Variants in TRPM3 observed in about 807,000 individuals in gnomAD.
TRPM3 encodes the protein long transient receptor potential channel 3.
TRPM3 carries 77 observed loss-of-function variants against 181.2 expected under a neutral mutation model. That is an observed-to-expected ratio of 0.42 (90% CI 0.35 to 0.51). The LOEUF (loss-of-function observed/expected upper bound fraction) is 0.51. Among genes scored for constraint, TRPM3 ranks in the 20% least tolerant of loss-of-function variants. The pLI is 0.01. For synonymous variants in TRPM3, 745 were observed against 796.4 expected (o/e 0.94, Z 1.09); for missense variants, 1,759 against 2,196.7 (o/e 0.80, Z 3.98).
chr9:71,164,054 A>G (rs1438491768), intron 1 of TRPM3, among the ~76,000 whole-genome samples: 3 of 152,130 alleles, frequency 2.0e-5, no homozygotes, highest in African/African-American at 4.8e-5. Flanking sequence ...TAATGAGCGT[A>G]TGCACAAAGG....
chr9:70,767,441 T>C (rs6560151), intron 7 of TRPM3, among the ~76,000 whole-genome samples: 33,212 of 152,078 alleles, frequency 0.22, 4,431 homozygotes, highest in Non-Finnish European at 0.3. Context: ...AAAAGTTGTA[T>C]GCCATGTATT....
chr9:70,941,573 C>A (rs1042448025), intron 1 of TRPM3, among the ~76,000 whole-genome samples: 1 of 152,172 alleles, frequency 6.6e-6, no homozygotes, highest in Admixed American at 6.5e-5. Context: ...ATACATCTAT[C>A]CTATTAGTTC....
At chr9:70,946,119 A>T (rs762945103) in intron 1 of TRPM3, among the ~76,000 whole-genome samples, 1 of 152,226 alleles carries the variant, frequency 6.6e-6, no homozygotes, top group African/African-American at 2.4e-5. Flanking sequence ...TGCTGATTTT[A>T]TAAAAGGGAA....
chr9:71,190,069 G>A (rs1302199247), intron 1 of TRPM3, among the ~76,000 whole-genome samples: 4 of 151,800 alleles, frequency 2.6e-5, no homozygotes, highest in African/African-American at 9.7e-5. Context: ...TTTCCCCAAT[G>A]GCCAGAGATG....
At chr9:70,766,498 C>T (rs1021958017) in intron 7 of TRPM3, among the ~76,000 whole-genome samples, 1 of 150,748 alleles carries the variant, frequency 6.6e-6, no homozygotes, top group East Asian at 2.0e-4. Flanking sequence ...AAAATTTTAG[C>T]TATATAAAAA....
At chr9:71,179,758 C>G (rs369306754) in intron 1 of TRPM3, among the ~76,000 whole-genome samples, 6 of 152,236 alleles carry the variant, frequency 3.9e-5, no homozygotes, top group Non-Finnish European at 5.9e-5. Flanking sequence ...ATATTCCCAT[C>G]AGGAAATTTT....
At chr9:71,026,874 C>G (rs923036297) in intron 1 of TRPM3, among the ~76,000 whole-genome samples, 1 of 152,308 alleles carries the variant, frequency 6.6e-6, no homozygotes, top group East Asian at 1.9e-4. Context: ...GTGGGGGACC[C>G]TGGCCCCCCA....
chr9:70,592,333 T>C (rs1274264519), intron 21 of TRPM3, among the ~76,000 whole-genome samples: 1 of 152,224 alleles, frequency 6.6e-6, no homozygotes, highest in Admixed American at 6.5e-5. Flanking sequence ...TGTTTTGTTT[T>C]TAACTAAAGC....
chr9:71,039,075 C>T (rs541108165), intron 1 of TRPM3, among the ~76,000 whole-genome samples: 2 of 152,222 alleles, frequency 1.3e-5, no homozygotes, highest in African/African-American at 2.4e-5. Context: ...ACAATGTTAC[C>T]ATGACCCATG....
intron 1 of TRPM3, among the ~76,000 whole-genome samples, chr9:71,165,852 T>C (rs1382020094): frequency 1.3e-5 from 2 of 152,012 alleles, no homozygotes; most frequent in African/African-American, 4.8e-5. Flanking sequence ...GTAGGTGAGG[T>C]TAATGTCTAT....
chr9:70,963,600 T>A (rs548318443), intron 1 of TRPM3, among the ~76,000 whole-genome samples: 2 of 152,106 alleles, frequency 1.3e-5, no homozygotes, highest in Admixed American at 6.6e-5. Flanking sequence ...TGATATTTTG[T>A]GCGCTTTTTG....
At chr9:71,368,487 C>T (rs1303677894) in intron 1 of TRPM3, among the ~76,000 whole-genome samples, 1 of 152,052 alleles carries the variant, frequency 6.6e-6, no homozygotes, top group Non-Finnish European at 1.5e-5. Flanking sequence ...AGTGCCTCAC[C>T]CAGTAGTTGG....
At chr9:71,305,092 C>A (rs2087148629) in intron 1 of TRPM3, among the ~76,000 whole-genome samples, 1 of 152,090 alleles carries the variant, frequency 6.6e-6, no homozygotes, top group African/African-American at 2.4e-5. Context: ...AGAATTTTCC[C>A]AAACATACAC....
chr9:71,162,502 T>C (rs993204383), intron 1 of TRPM3, among the ~76,000 whole-genome samples: 1 of 152,162 alleles, frequency 6.6e-6, no homozygotes, highest in African/African-American at 2.4e-5. Flanking sequence ...TTATTTTACA[T>C]ATATAGCTTC....
Position 70,640,578 on chromosome 9 carries a change from A to G in TRPM3, c.1428T>C (p.Ile476=). 6.2e-7 allele frequency: 1 copy of G among 1,613,560 alleles called. No homozygotes were observed. The highest frequency in any genetic ancestry group is 8.5e-7 in the Non-Finnish European group (1 of 1,179,754). Residue 476 remains isoleucine (I), a synonymous_variant, in exon 10 of 26, where the codon ATT becomes ATC. Coordinates refer to ENST00000677713, the MANE Select transcript of TRPM3 (RefSeq NM_001366145.2). ...ACTCTACCGGCCACTGTTGCCCGTA[A>G]ATAAAGATCTGGCTGCGAGCGATGT... is the stretch of plus-strand genomic sequence containing the variant. The part of the protein sequence containing the change: ...RVDIARSQIF[I]YGQQWPVGSL...
chr9:70,544,481 G>A (rs1157703354), intron 25 of TRPM3, among the ~76,000 whole-genome samples: 1 of 152,108 alleles, frequency 6.6e-6, no homozygotes, highest in East Asian at 1.9e-4. Flanking sequence ...GGAGAAATGT[G>A]AATACTTAGC....
At chr9:70,614,019 C>T (rs553446693) in intron 18 of TRPM3, among the ~76,000 whole-genome samples, 1 of 152,212 alleles carries the variant, frequency 6.6e-6, no homozygotes, top group African/African-American at 2.4e-5. Flanking sequence ...ACATGGTGGA[C>T]CAAATCGGCT....
In TRPM3 at chr9:70,532,392, TC is replaced by T. The variant is rs775474795; in HGVS notation, c.*3560del. On this transcript the variant is annotated 3_prime_UTR_variant, in exon 26 of 26. Coordinates refer to ENST00000677713, the MANE Select transcript of TRPM3 (RefSeq NM_001366145.2). ...TATATATATTTTAAAAGGGGAACTT[TC>T]AAAGTGCTAAATAATATCCTAGACC... The T allele has an allele frequency of 1.3e-5, 2 of 152,190 alleles. No homozygotes were observed. Among genetic ancestry groups the T allele is most frequent in the South Asian group, 2.1e-4 (1 of 4,818 alleles). The allele number at this position is 152,190 out of a possible 1,614,324, so 9.4% of individuals were successfully genotyped here.
intron 8 of TRPM3, among the ~76,000 whole-genome samples, chr9:70,759,135 G>GA (rs1334263020): frequency 6.6e-6 from 1 of 151,956 alleles, no homozygotes. Flanking sequence ...ACGTTTACAA[G>GA]AAAAAAACAA....
Sources: gnomAD v4.1 joint callset for allele counts (sites outside exome capture counted in the v4.1 genomes callset) on GRCh38, gnomAD v4.1.1 for gene constraint, MANE v1.5 for transcripts, NCBI Gene and HGNC (gene_info 2026-07-23, HGNC 2026-07-21) for gene names.